CALN1: variants seen among roughly 807,000 people sequenced by gnomAD.
The protein encoded by CALN1 is calneuron 1.
A neutral mutation model predicts 30.6 loss-of-function variants in CALN1; 17 were observed. The observed-to-expected ratio is 0.56, with a 90% CI of 0.38 to 0.83. The LOEUF (loss-of-function observed/expected upper bound fraction) is 0.83, where lower values mean the gene tolerates loss of function less well. CALN1 is among the 40% of genes least tolerant of loss of function. The pLI is 0.00. For synonymous variants in CALN1, 156 were observed against 131.4 expected, an observed-to-expected ratio of 1.19 and a Z score of -1.28; for missense variants, 291 against 354.9, an observed-to-expected ratio of 0.82 and a Z score of 1.45.
chr7:71,986,058 T>C (rs903520207), intron 5 of CALN1, among the ~76,000 whole-genome samples: 7 of 151,096 alleles, frequency 4.6e-5, no homozygotes, highest in Non-Finnish European at 8.9e-5. Context: ...ATCTTTCTCT[T>C]TTTTTTTTGA....
At chr7:72,388,704 G>A (rs1432438946) in intron 2 of CALN1, among the ~76,000 whole-genome samples, 2 of 152,152 alleles carry the variant, frequency 1.3e-5, no homozygotes, top group African/African-American at 4.8e-5. Flanking sequence ...AAAATGCAGA[G>A]AGAGAGAGAG....
At chr7:72,244,441 C>T (rs1795034745) in intron 3 of CALN1, among the ~76,000 whole-genome samples, 1 of 152,096 alleles carries the variant, frequency 6.6e-6, no homozygotes, top group Admixed American at 6.6e-5. Context: ...TGTTCCTGCT[C>T]TCTAGGATGT....
At chr7:71,963,741 A>C (rs1001230043) in intron 5 of CALN1, among the ~76,000 whole-genome samples, 2 of 152,172 alleles carry the variant, frequency 1.3e-5, no homozygotes, top group African/African-American at 2.4e-5. Context: ...ATAATAGATT[A>C]CACTTATTAG....
chr7:72,274,726 A>G (rs570784465), intron 3 of CALN1, among the ~76,000 whole-genome samples: 6 of 152,276 alleles, frequency 3.9e-5, no homozygotes, highest in African/African-American at 1.4e-4. Flanking sequence ...ATTTTCCTCT[A>G]CTACCTAGAA....
chr7:72,145,816 C>T (rs1258059011), intron 3 of CALN1, among the ~76,000 whole-genome samples: 1 of 152,156 alleles, frequency 6.6e-6, no homozygotes, highest in Non-Finnish European at 1.5e-5. Flanking sequence ...GCTGGTTCAA[C>T]ATATGCAAAT....
chr7:72,346,519 A>ATTAT (rs964238819), intron 2 of CALN1, among the ~76,000 whole-genome samples: 3 of 151,996 alleles, frequency 2.0e-5, no homozygotes, highest in Admixed American at 2.0e-4. Flanking sequence ...AAATTTATTT[A>ATTAT]TTATTTATTT....
chr7:71,880,058 G>C (rs1446673354), intron 5 of CALN1, among the ~76,000 whole-genome samples: 1 of 152,092 alleles, frequency 6.6e-6, no homozygotes, highest in African/African-American at 2.4e-5. Flanking sequence ...GATCATTAAA[G>C]CCCGGGAGTT....
the CALN1 span, among the ~76,000 whole-genome samples, chr7:72,500,482 G>T: frequency 2.6e-5 from 4 of 151,206 alleles, no homozygotes; most frequent in African/African-American, 9.7e-5. Context: ...GGTTTCACCT[G>T]TTGGCCAGGC....
intron 2 of CALN1, among the ~76,000 whole-genome samples, chr7:72,304,289 T>C (rs1014728807): frequency 6.6e-6 from 1 of 152,196 alleles, no homozygotes; most frequent in African/African-American, 2.4e-5. Context: ...TCTTCCTGTC[T>C]TTCAAAGGAG....
intron 5 of CALN1, among the ~76,000 whole-genome samples, chr7:71,817,137 T>G (rs1788312118): frequency 6.6e-6 from 1 of 152,234 alleles, no homozygotes; most frequent in Admixed American, 6.5e-5. Context: ...TAAAACAATG[T>G]GTACCCCATG....
chr7:72,299,618 A>C (rs971124699), intron 2 of CALN1, among the ~76,000 whole-genome samples: 1 of 152,126 alleles, frequency 6.6e-6, no homozygotes, highest in African/African-American at 2.4e-5. Context: ...AAGAATTAAT[A>C]AAGTATGCAA....
intron 5 of CALN1, among the ~76,000 whole-genome samples, chr7:71,834,348 TAAAAA>T (rs60091117): frequency 0.014 from 1,270 of 89,796 alleles, 10 homozygotes; most frequent in Middle Eastern, 0.026. Flanking sequence ...CGATCCACCC[TAAAAA>T]AAAAAAAAAA....
chr7:72,196,167 G>A (rs776320836), intron 3 of CALN1, among the ~76,000 whole-genome samples: 20 of 152,120 alleles, frequency 1.3e-4, no homozygotes, highest in Middle Eastern at 3.4e-3. Flanking sequence ...GGCTCCAGTG[G>A]AGCGCAGTGG....
chr7:72,271,575 A>AATATATATATATATATATATATATATAT (rs1410679506), intron 3 of CALN1, among the ~76,000 whole-genome samples: 9 of 52,060 alleles, frequency 1.7e-4, no homozygotes, highest in East Asian at 9.9e-4. Context: ...AAAAAAAAAA[A>AATATATATATATATATATATATATATAT]ATATATATAT....
At chr7:72,098,764 G>GCGCACGCGCACACACACA (rs1414936509) in intron 4 of CALN1, among the ~76,000 whole-genome samples, 2 of 142,730 alleles carry the variant, frequency 1.4e-5, no homozygotes, top group African/African-American at 5.3e-5. Context: ...CATTTGGCGC[G>GCGCACGCGCACACACACA]CACACACACA....
intron 2 of CALN1, among the ~76,000 whole-genome samples, chr7:72,400,376 T>C (rs1049849582): frequency 1.3e-5 from 2 of 152,216 alleles, no homozygotes; most frequent in Non-Finnish European, 2.9e-5. Context: ...TTGACAGGAA[T>C]CATCTTCATA....
chr7:71,890,297 A>G (rs1207034939), intron 5 of CALN1, among the ~76,000 whole-genome samples: 1 of 152,134 alleles, frequency 6.6e-6, no homozygotes, highest in African/African-American at 2.4e-5. Context: ...ACAGAACCCA[A>G]GACGGGCACA....
At chr7:72,132,274 C>A (rs1046759568) in intron 3 of CALN1, among the ~76,000 whole-genome samples, 1 of 152,132 alleles carries the variant, frequency 6.6e-6, no homozygotes, top group East Asian at 1.9e-4. Context: ...CATCAGCCTA[C>A]CATTGGGCAA....
chr7:72,049,888 C>T (rs1802727536), intron 4 of CALN1, among the ~76,000 whole-genome samples: 1 of 150,686 alleles, frequency 6.6e-6, no homozygotes, highest in African/African-American at 2.4e-5. Flanking sequence ...CGGCTCACTG[C>T]AACCTCTGCC....
Sources: allele counts gnomAD v4.1 joint callset (sites outside exome capture counted in the v4.1 genomes callset), GRCh38; gene constraint gnomAD v4.1.1; transcripts MANE v1.5; gene names NCBI Gene and HGNC (gene_info 2026-07-23, HGNC 2026-07-21).